CFAP210: variants seen among roughly 807,000 people sequenced by gnomAD.
The protein encoded by CFAP210 is cilia- and flagella- associated protein 210.
At chr2:169,667,345 G>T in the CFAP210 span, among the ~76,000 whole-genome samples, 1 of 151,914 alleles carries the variant, frequency 6.6e-6, no homozygotes, top group African/African-American at 2.4e-5. Flanking sequence ...CACCATGTTG[G>T]CCAGGCTGGT....
chr2:169,683,664 G>A, the CFAP210 span, among the ~76,000 whole-genome samples: 3 of 152,226 alleles, frequency 2.0e-5, no homozygotes, highest in Admixed American at 1.3e-4. Context: ...TGGTAAGTGG[G>A]CCTTGGCAGC....
the CFAP210 span, among the ~76,000 whole-genome samples, chr2:169,692,959 C>T: frequency 7.2e-5 from 11 of 152,148 alleles, no homozygotes; most frequent in Non-Finnish European, 1.5e-4. Flanking sequence ...GCTGTTGTTA[C>T]AAAAATCCAG....
the CFAP210 span, among the ~76,000 whole-genome samples, chr2:169,667,659 T>C: frequency 1.3e-5 from 2 of 152,278 alleles, no homozygotes; most frequent in African/African-American, 4.8e-5. Flanking sequence ...ATCTCTTGTA[T>C]ATCTCCATCA....
chr2:169,681,644 G>A, the CFAP210 span, among the ~76,000 whole-genome samples: 1 of 152,180 alleles, frequency 6.6e-6, no homozygotes, highest in African/African-American at 2.4e-5. Flanking sequence ...CACTATGACT[G>A]ACTCTACTCA....
chr2:169,659,055 G>C, the CFAP210 span: 2 of 153,144 alleles, frequency 1.3e-5, no homozygotes, highest in African/African-American at 4.8e-5. Flanking sequence ...GGAAGTCAAG[G>C]CTTCAGTGAG....
At chr2:169,679,443 C>A in the CFAP210 span, among the ~76,000 whole-genome samples, 7 of 152,078 alleles carry the variant, frequency 4.6e-5, no homozygotes, top group Non-Finnish European at 1.0e-4. Flanking sequence ...ACTTTGGAAG[C>A]CGAGGCAGGT....
chr2:169,667,327 C>G, the CFAP210 span, among the ~76,000 whole-genome samples: 2 of 151,888 alleles, frequency 1.3e-5, no homozygotes, highest in Admixed American at 6.6e-5. Flanking sequence ...TTAGTACAGA[C>G]AGCGTTTCAC....
At chr2:169,678,893 T>G in the CFAP210 span, among the ~76,000 whole-genome samples, 10 of 152,148 alleles carry the variant, frequency 6.6e-5, no homozygotes, top group South Asian at 2.1e-3. Context: ...GGACCTAGAA[T>G]AGTGAAAACA....
chr2:169,667,905 C>A, the CFAP210 span, among the ~76,000 whole-genome samples: 1 of 152,120 alleles, frequency 6.6e-6, no homozygotes, highest in East Asian at 1.9e-4. Flanking sequence ...GGTAAATGAG[C>A]AATGGCTTCA....
chr2:169,655,856 A>G, the CFAP210 span, among the ~76,000 whole-genome samples: 2 of 152,230 alleles, frequency 1.3e-5, no homozygotes, highest in African/African-American at 4.8e-5. Context: ...AAAAATTAAT[A>G]GAAGACTTAG....
chr2:169,656,034 A>G, the CFAP210 span, among the ~76,000 whole-genome samples: 1 of 152,192 alleles, frequency 6.6e-6, no homozygotes, highest in African/African-American at 2.4e-5. Context: ...ATTATGACCA[A>G]TGAGATTCAG....
At chr2:169,675,031 C>G in the CFAP210 span, 12 of 1,494,692 alleles carry the variant, frequency 8.0e-6, no homozygotes, top group Non-Finnish European at 1.1e-5. Flanking sequence ...AGTTTCTGTT[C>G]TTTCATCCCC....
chr2:169,680,895 G>A, the CFAP210 span: 4 of 792,132 alleles, frequency 5.0e-6, no homozygotes, highest in Admixed American at 4.9e-5. Flanking sequence ...ATGTTTCGAT[G>A]CATTTTTATG....
the CFAP210 span, among the ~76,000 whole-genome samples, chr2:169,653,254 C>T: frequency 5.3e-5 from 8 of 151,280 alleles, no homozygotes; most frequent in Non-Finnish European, 7.4e-5. Context: ...AAGCAAGTTA[C>T]GTGCTCTCTG....
At chr2:169,646,612 T>A in the CFAP210 span, among the ~76,000 whole-genome samples, 2 of 152,174 alleles carry the variant, frequency 1.3e-5, no homozygotes, top group African/African-American at 4.8e-5. Flanking sequence ...CCCAGCCACA[T>A]AAGATTAAAT....
the CFAP210 span, among the ~76,000 whole-genome samples, chr2:169,691,918 G>T: frequency 1.3e-5 from 2 of 152,088 alleles, no homozygotes; most frequent in Non-Finnish European, 2.9e-5. Context: ...ACATATCTTT[G>T]GATGACTGGA....
chr2:169,657,343 CA>C, the CFAP210 span, among the ~76,000 whole-genome samples: 16 of 152,122 alleles, frequency 1.1e-4, no homozygotes, highest in African/African-American at 3.9e-4. Context: ...GCACATAATT[CA>C]AGGCACATCT....
At chr2:169,658,040 G>A in the CFAP210 span, 1 of 151,982 alleles carries the variant, frequency 6.6e-6, no homozygotes, top group African/African-American at 2.4e-5. Flanking sequence ...TCTTAAGGAA[G>A]CTATTCAAAG....
chr2:169,667,580 G>T, the CFAP210 span, among the ~76,000 whole-genome samples: 1 of 152,108 alleles, frequency 6.6e-6, no homozygotes, highest in Admixed American at 6.5e-5. Flanking sequence ...AGACTTGAAA[G>T]TCTAAATTAC....
Sources: allele counts gnomAD v4.1 joint callset (sites outside exome capture counted in the v4.1 genomes callset), GRCh38; gene constraint gnomAD v4.1.1; transcripts MANE v1.5; gene names NCBI Gene and HGNC (gene_info 2026-07-23, HGNC 2026-07-21).